PREX1: variants seen among roughly 807,000 people sequenced by gnomAD.
PREX1 encodes phosphatidylinositol 3,4,5-trisphosphate-dependent Rac exchanger 1 protein.
Under a neutral mutation model 198.3 loss-of-function variants are expected in PREX1, and 41 were observed. That is an observed-to-expected ratio of 0.21 (90% CI 0.16 to 0.27). The LOEUF is 0.27. PREX1 is among the 10% of genes least tolerant of loss of function. The pLI, the probability that PREX1 is intolerant of heterozygous loss-of-function variation, is 1.00. For missense variants in PREX1, 1,620 were observed against 2,200.7 expected, an observed-to-expected ratio of 0.74 and a Z score of 5.28; for synonymous variants, 843 against 887.2, an observed-to-expected ratio of 0.95 and a Z score of 0.89.
chr20:48,777,660 G>A (rs116433562), intron 1 of PREX1, among the ~76,000 whole-genome samples: 131 of 152,280 alleles, frequency 8.6e-4, no homozygotes, highest in African/African-American at 3.0e-3. Context: ...GAAGGGTCAC[G>A]GCAAAGCCAA....
intron 5 of PREX1, among the ~76,000 whole-genome samples, chr20:48,710,852 G>A (rs557398907): frequency 2.6e-5 from 4 of 152,360 alleles, no homozygotes; most frequent in African/African-American, 7.2e-5. Context: ...CTGAGGCAGC[G>A]AGAAGCAGCA....
At chr20:48,826,608 C>A (rs1002941268) in intron 1 of PREX1, among the ~76,000 whole-genome samples, 16 of 152,204 alleles carry the variant, frequency 1.1e-4, no homozygotes, top group African/African-American at 3.4e-4. Context: ...GTAATCCCTG[C>A]ACTTTGGAGG....
At chr20:48,779,740 C>T (rs1246524911) in intron 1 of PREX1, among the ~76,000 whole-genome samples, 1 of 152,078 alleles carries the variant, frequency 6.6e-6, no homozygotes, top group Non-Finnish European at 1.5e-5. Flanking sequence ...TGAAAGAAGC[C>T]AGTCTCAAAA....
intron 20 of PREX1, 61 bp downstream of exon 20, chr20:48,653,300 T>G: frequency 6.3e-7 from 1 of 1,587,282 alleles, no homozygotes; most frequent in East Asian, 2.3e-5. Context: ...AGGACAGCCC[T>G]CAGCCACCCA....
intron 1 of PREX1, among the ~76,000 whole-genome samples, chr20:48,756,891 G>A (rs1363761810): frequency 1.3e-5 from 2 of 152,208 alleles, no homozygotes; most frequent in Non-Finnish European, 2.9e-5. Flanking sequence ...GAAGGCAAAT[G>A]AGAAGTAAAG....
intron 2 of PREX1, among the ~76,000 whole-genome samples, chr20:48,745,646 G>A (rs1156429659): frequency 6.6e-6 from 1 of 152,226 alleles, no homozygotes; most frequent in African/African-American, 2.4e-5. Context: ...AAGGAGGTTA[G>A]AAATACGCTG....
At chr20:48,709,462 G>A (rs6012519) in intron 5 of PREX1, among the ~76,000 whole-genome samples, 46,154 of 152,118 alleles carry the variant, frequency 0.3, 9,475 homozygotes, top group African/African-American at 0.59. Context: ...TCTCTATCCC[G>A]GGCCTCGGCT....
chr20:48,690,679 A>T (rs1486829115), intron 9 of PREX1, among the ~76,000 whole-genome samples: 1 of 152,208 alleles, frequency 6.6e-6, no homozygotes, highest in Non-Finnish European at 1.5e-5. Context: ...AAAGGGGAGC[A>T]TCTTGAGTCC....
At chr20:48,811,659 C>T (rs1354921268) in intron 1 of PREX1, among the ~76,000 whole-genome samples, 1 of 149,518 alleles carries the variant, frequency 6.7e-6, no homozygotes. Flanking sequence ...TGTGCATGCA[C>T]ACTACTGACC....
the PREX1 span, among the ~76,000 whole-genome samples, chr20:48,877,630 C>T: frequency 6.6e-6 from 1 of 152,160 alleles, no homozygotes; most frequent in African/African-American, 2.4e-5. Flanking sequence ...TGGTGTAGGC[C>T]CCATGTCCAT....
chr20:48,716,463 G>C (rs2089963080), intron 5 of PREX1, among the ~76,000 whole-genome samples: 1 of 152,218 alleles, frequency 6.6e-6, no homozygotes, highest in Non-Finnish European at 1.5e-5. Context: ...CGTGGCTAGA[G>C]CCAGCTCCTA....
Position 48,714,232 on chromosome 20 carries a change from G to A in PREX1, c.622-5811C>T, listed in dbSNP as rs139861008. 8.5e-5 allele frequency among the ~76,000 whole-genome samples: 13 copies of A among 152,254 alleles called. No homozygotes were observed. In the East Asian group the frequency reaches 1.2e-3, roughly 14 times the overall value. ...AAGCAACTTAAAAAAAATAGATAAC[G>A]TGAATTTCACCACAATTTAAAACTT... On this transcript the variant is annotated intron_variant, in intron 5 of 39. Transcript: ENST00000371941.
the PREX1 span, among the ~76,000 whole-genome samples, chr20:48,880,981 T>TAAAAAAAAAAAAAAAAAAAA: frequency 1.9e-4 from 4 of 20,996 alleles, 1 homozygote; most frequent in African/African-American, 5.2e-4. Context: ...AAACCATTGC[T>TAAAAAAAAAAAAAAAAAAAA]AAAAAAAAAA....
intron 7 of PREX1, among the ~76,000 whole-genome samples, chr20:48,693,483 C>T (rs1475241100): frequency 1.3e-5 from 2 of 152,214 alleles, no homozygotes; most frequent in South Asian, 4.1e-4. Flanking sequence ...CAAGACGGCA[C>T]CATCTATGAA....
At chr20:48,819,603 T>C (rs568206957) in intron 1 of PREX1, among the ~76,000 whole-genome samples, 1 of 152,350 alleles carries the variant, frequency 6.6e-6, no homozygotes, top group African/African-American at 2.4e-5. Flanking sequence ...AAAATAGGTA[T>C]AATGATGATA....
intron 1 of PREX1, among the ~76,000 whole-genome samples, chr20:48,788,119 G>A (rs2090321584): frequency 6.6e-6 from 1 of 152,164 alleles, no homozygotes; most frequent in African/African-American, 2.4e-5. Flanking sequence ...TCACTTGATG[G>A]ATTTAAAAGG....
In PREX1 at chr20:48,691,226, C is replaced by T. The variant is rs1435455862; in HGVS notation, c.1037-130G>A. 9.4e-6 allele frequency: 11 copies of T among 1,169,384 alleles called. No homozygotes were observed. Among genetic ancestry groups the T allele is most frequent in the African/African-American group, 3.0e-5 (2 of 65,630 alleles). 72.4% of individuals were successfully genotyped at this position (1,169,384 alleles called of 1,614,324 possible). A position where few individuals can be genotyped will look rare whatever the true frequency, so the allele number is the denominator to read the frequency against. ...TGGATCAGGATGGGGAGCTGGACTT[C>T]CAGCCCTTCAAACGCTCACTTCTTA... On this transcript the variant is annotated intron_variant, in intron 8 of 39. Coordinates refer to ENST00000371941, the MANE Select transcript of PREX1 (RefSeq NM_020820.4). The surrounding 1 kb of genome is among the most constrained non-coding windows in gnomAD (Gnocchi z 5.0).
intron 1 of PREX1, among the ~76,000 whole-genome samples, chr20:48,748,271 C>A (rs1171966350): frequency 6.6e-6 from 1 of 152,056 alleles, no homozygotes; most frequent in Admixed American, 6.5e-5. Context: ...CTTTGCTTTA[C>A]AATTTAACCT....
chr20:48,788,446 G>GC (rs748160394), intron 1 of PREX1, among the ~76,000 whole-genome samples: 3 of 152,104 alleles, frequency 2.0e-5, no homozygotes, highest in Non-Finnish European at 4.4e-5. Flanking sequence ...TTGGCCACCA[G>GC]CTTCTATTCC....
Sources: gnomAD v4.1 joint callset for allele counts (sites outside exome capture counted in the v4.1 genomes callset) on GRCh38, gnomAD v4.1.1 for gene constraint, Gnocchi (gnomAD v3.1) non-coding constraint, MANE v1.5 for transcripts, NCBI Gene and HGNC (gene_info 2026-07-23, HGNC 2026-07-21) for gene names.